NRG1: variants seen among roughly 807,000 people sequenced by gnomAD.
NRG1 encodes neuregulin 1.
A neutral mutation model predicts 63.8 loss-of-function variants in NRG1; 18 were observed. The observed-to-expected ratio is 0.28, with a 90% confidence interval of 0.19 to 0.42. NRG1 has a LOEUF of 0.42. Among genes scored for constraint, NRG1 ranks in the 10% least tolerant of loss-of-function variants. The probability of loss-of-function intolerance (pLI) is 1.00; values close to 1 mark genes in which losing one functional copy is unlikely to be tolerated. For missense variants in NRG1, 762 were observed against 814.7 expected, an observed-to-expected ratio of 0.94 and a Z score of 0.79; for synonymous variants, 302 against 301.3, an observed-to-expected ratio of 1.00 and a Z score of -0.02.
intron 1 of NRG1, among the ~76,000 whole-genome samples, chr8:31,965,063 C>T (rs1236877478): frequency 6.6e-6 from 1 of 152,070 alleles, no homozygotes; most frequent in African/African-American, 2.4e-5. Flanking sequence ...AGATTTTAGC[C>T]AAGAGCTTGT....
At chr8:32,072,366 A>AATAAAGTT (rs1404125655) in intron 1 of NRG1, among the ~76,000 whole-genome samples, 1 of 151,924 alleles carries the variant, frequency 6.6e-6, no homozygotes, top group Non-Finnish European at 1.5e-5. Context: ...CCTCTGGGGA[A>AATAAAGTT]ATAAAGTTAT....
chr8:32,448,121 CA>C (rs1452543265), intron 1 of NRG1, among the ~76,000 whole-genome samples: 7 of 152,122 alleles, frequency 4.6e-5, no homozygotes, highest in Non-Finnish European at 2.9e-5. Context: ...TTAACATGAA[CA>C]AAATATTATA....
At chr8:31,999,055 T>C (rs1812497853) in intron 1 of NRG1, among the ~76,000 whole-genome samples, 1 of 151,960 alleles carries the variant, frequency 6.6e-6, no homozygotes, top group Non-Finnish European at 1.5e-5. Flanking sequence ...CTTTTTTTTT[T>C]CTTTTCTTTT....
At chr8:31,670,363 A>G (rs1157418030) in intron 1 of NRG1, among the ~76,000 whole-genome samples, 3 of 152,000 alleles carry the variant, frequency 2.0e-5, no homozygotes, top group Non-Finnish European at 2.9e-5. Context: ...TTTTTATTTT[A>G]CGTTTTACAC....
chr8:32,216,936 G>A (rs1845292094), intron 1 of NRG1, among the ~76,000 whole-genome samples: 1 of 151,998 alleles, frequency 6.6e-6, no homozygotes, highest in East Asian at 1.9e-4. Flanking sequence ...GGGGAGGGCA[G>A]GCATGATGGC....
At chr8:32,206,866 T>A (rs1005284632) in intron 1 of NRG1, among the ~76,000 whole-genome samples, 4 of 152,232 alleles carry the variant, frequency 2.6e-5, no homozygotes, top group Non-Finnish European at 5.9e-5. Flanking sequence ...TAGCAGCCAC[T>A]TATAAGTGAG....
intron 1 of NRG1, among the ~76,000 whole-genome samples, chr8:32,020,291 T>C (rs1816225281): frequency 6.6e-6 from 1 of 152,242 alleles, no homozygotes; most frequent in South Asian, 2.1e-4. Context: ...TCACTATAAT[T>C]GTTATTATTA....
intron 1 of NRG1, among the ~76,000 whole-genome samples, chr8:32,074,969 A>G (rs764891361): frequency 6.6e-6 from 1 of 152,248 alleles, no homozygotes; most frequent in African/African-American, 2.4e-5. Flanking sequence ...TCATATCTCA[A>G]ATAGGCTACT....
At chr8:32,243,680 T>G (rs758967251) in intron 1 of NRG1, among the ~76,000 whole-genome samples, 7 of 152,122 alleles carry the variant, frequency 4.6e-5, no homozygotes, top group Non-Finnish European at 1.0e-4. Flanking sequence ...AACTTTTGTA[T>G]GCCTGTGAAA....
intron 1 of NRG1, among the ~76,000 whole-genome samples, chr8:32,453,263 A>G (rs1821188819): frequency 6.6e-6 from 1 of 152,216 alleles, no homozygotes; most frequent in South Asian, 2.1e-4. Flanking sequence ...CTGAGACAAC[A>G]TATATCTTGC....
intron 1 of NRG1, among the ~76,000 whole-genome samples, chr8:31,799,720 G>T (rs1311964750): frequency 6.6e-6 from 1 of 151,582 alleles, no homozygotes; most frequent in Non-Finnish European, 1.5e-5. Context: ...CTGTTTTTTT[G>T]TGTATGCATA....
intron 1 of NRG1, among the ~76,000 whole-genome samples, chr8:31,958,741 G>A (rs192000777): frequency 6.6e-6 from 1 of 152,272 alleles, no homozygotes; most frequent in African/African-American, 2.4e-5. Flanking sequence ...CAAAAGTTGG[G>A]AGAAATCAAA....
chr8:32,278,767 C>T (rs967907967), intron 1 of NRG1, among the ~76,000 whole-genome samples: 2 of 152,160 alleles, frequency 1.3e-5, no homozygotes, highest in African/African-American at 2.4e-5. Context: ...AACAATTGCC[C>T]TCTGTGGTTT....
intron 1 of NRG1, among the ~76,000 whole-genome samples, chr8:32,309,561 C>A (rs1426538954): frequency 2.6e-5 from 4 of 152,154 alleles, no homozygotes; most frequent in Admixed American, 2.6e-4. Flanking sequence ...GCTGAGGAGC[C>A]CACTAAGAGC....
chr8:32,722,112 T>C (rs1820809582), intron 5 of NRG1: 4 of 1,265,406 alleles, frequency 3.2e-6, no homozygotes, highest in Non-Finnish European at 4.4e-6. Context: ...AAAATGTGCA[T>C]ATTTTATTAA....
intron 1 of NRG1, among the ~76,000 whole-genome samples, chr8:32,269,461 C>T (rs1388790928): frequency 6.6e-6 from 1 of 152,084 alleles, no homozygotes; most frequent in Non-Finnish European, 1.5e-5. Context: ...GACGTCTTTC[C>T]CAGAGGTGAA....
At chr8:31,838,584 A>G (rs1321294803) in intron 1 of NRG1, among the ~76,000 whole-genome samples, 2 of 152,122 alleles carry the variant, frequency 1.3e-5, no homozygotes, top group Admixed American at 6.6e-5. Flanking sequence ...ATGCCTTTCC[A>G]TTTGTTTAAG....
downstream of NRG1, chr8:32,767,964 G>A (rs1831554688): frequency 1.3e-5 from 2 of 152,102 alleles, no homozygotes; most frequent in African/African-American, 4.8e-5. Context: ...TGGAGACCTG[G>A]GAGTGTTGCT....
chr8:32,044,526 A>G (rs544996357), intron 1 of NRG1, among the ~76,000 whole-genome samples: 8 of 151,812 alleles, frequency 5.3e-5, no homozygotes, highest in Non-Finnish European at 1.0e-4. Context: ...ACGTGGAATA[A>G]TATTACATTT....
Sources: gnomAD v4.1 joint callset for allele counts (sites outside exome capture counted in the v4.1 genomes callset) on GRCh38, gnomAD v4.1.1 for gene constraint, MANE v1.5 for transcripts, NCBI Gene and HGNC (gene_info 2026-07-23, HGNC 2026-07-21) for gene names.